Variants in COL4A6 observed in about 807,000 individuals in gnomAD.
COL4A6 encodes the protein collagen type IV alpha 6 chain, also known as collagen alpha-6(IV) chain.
A neutral mutation model predicts 126.7 loss-of-function variants in COL4A6; 59 were observed. That is an observed-to-expected ratio of 0.47 (90% CI 0.38 to 0.58). The LOEUF is 0.58. Among genes scored for constraint, COL4A6 ranks in the 20% least tolerant of loss-of-function variants. The pLI, the probability that COL4A6 is intolerant of heterozygous loss-of-function variation, is 0.00. For synonymous variants in COL4A6, 547 were observed against 496.6 expected (o/e 1.10, Z -1.35); for missense variants, 1,285 against 1,337.3 (o/e 0.96, Z 0.61).
rs747930711 is a variant in COL4A6, at chrX:108,355,864, C to G, written c.64-45036G>C. 5.4e-5 allele frequency among the ~76,000 whole-genome samples: 6 copies of G among 111,748 alleles called. No individual in the cohort carries two copies. The East Asian group carries it at 1.4e-3, about 26-fold the overall frequency. On this transcript the variant is annotated intron_variant, in intron 2 of 44. Transcript: ENST00000334504. ...TGATAAGCACTTTTCAGATGCTTTACGTAGTGAAGTTATTTAATTCTCATT... is the reference window on the plus strand; with the variant it reads ...TGATAAGCACTTTTCAGATGCTTTAGGTAGTGAAGTTATTTAATTCTCATT...
intron 3 of COL4A6, among the ~76,000 whole-genome samples, chrX:108,275,212 A>C (rs2147778467): frequency 9.0e-6 from 1 of 111,727 alleles, no homozygotes; most frequent in African/African-American, 3.3e-5. Flanking sequence ...AGGGAAGAAA[A>C]GGTAAATAAG....
chrX:108,165,265 C>T, intron 38 of COL4A6, 105 bp downstream of exon 38: 2 of 788,449 alleles, frequency 2.5e-6, no homozygotes, highest in South Asian at 4.2e-5. Flanking sequence ...CCAAACACGC[C>T]CACATATGTC....
intron 2 of COL4A6, among the ~76,000 whole-genome samples, chrX:108,328,073 G>A (rs890805559): frequency 2.7e-5 from 3 of 111,768 alleles, no homozygotes; most frequent in African/African-American, 9.8e-5. Context: ...GTGGAATCAA[G>A]CATTCATTCT....
intron 2 of COL4A6, among the ~76,000 whole-genome samples, chrX:108,429,158 T>C (rs1355006583): frequency 1.8e-5 from 2 of 112,290 alleles, no homozygotes; most frequent in African/African-American, 6.5e-5. Flanking sequence ...TCAAAAGTGC[T>C]ATGCTGATTA....
chrX:108,363,984 A>G (rs1364449925), intron 2 of COL4A6, among the ~76,000 whole-genome samples: 2 of 109,899 alleles, frequency 1.8e-5, no homozygotes, highest in Admixed American at 9.7e-5. Context: ...CGATTCTCAC[A>G]CCTCAGCCTT....
chrX:108,337,935 G>C (rs1446990029), intron 2 of COL4A6, among the ~76,000 whole-genome samples: 1 of 111,518 alleles, frequency 9.0e-6, no homozygotes, highest in Non-Finnish European at 1.9e-5. Flanking sequence ...TATAGATAAT[G>C]AGGCTTAATA....
intron 2 of COL4A6, among the ~76,000 whole-genome samples, chrX:108,436,370 G>T (rs989228848): frequency 8.9e-6 from 1 of 112,395 alleles, no homozygotes. Flanking sequence ...GCATTAAAGT[G>T]GTTTTTAAAG....
chrX:108,236,163 G>A (rs776818694), intron 3 of COL4A6, among the ~76,000 whole-genome samples: 14 of 111,990 alleles, frequency 1.3e-4, no homozygotes, highest in Admixed American at 9.5e-4. Flanking sequence ...TTAAAGCTGA[G>A]TGGAAAACAA....
At chrX:108,227,818 C>G (rs1461489921) in intron 3 of COL4A6, among the ~76,000 whole-genome samples, 1 of 111,819 alleles carries the variant, frequency 8.9e-6, no homozygotes, top group African/African-American at 3.3e-5. Flanking sequence ...GTTCCTTGTT[C>G]CTAACATGGA....
intron 2 of COL4A6, among the ~76,000 whole-genome samples, chrX:108,314,386 C>T (rs181607826): frequency 1.6e-4 from 18 of 111,896 alleles, no homozygotes; most frequent in African/African-American, 2.3e-4. Flanking sequence ...CCTACTGTTC[C>T]GTACCTCTCA....
At chrX:108,396,816 T>C (rs1237347025) in intron 2 of COL4A6, among the ~76,000 whole-genome samples, 4 of 111,719 alleles carry the variant, frequency 3.6e-5, no homozygotes, top group African/African-American at 1.3e-4. Context: ...TCCCTTTCTC[T>C]GCCTGTTCGA....
chrX:108,265,920 TA>T (rs200911420), intron 3 of COL4A6, among the ~76,000 whole-genome samples: 76 of 108,518 alleles, frequency 7.0e-4, no homozygotes, highest in Non-Finnish European at 1.2e-3. Context: ...ATGACATACA[TA>T]AAAAAAAACA....
chrX:108,424,179 G>A (rs1480890124), intron 2 of COL4A6, among the ~76,000 whole-genome samples: 1 of 111,896 alleles, frequency 8.9e-6, no homozygotes, highest in Admixed American at 9.5e-5. Context: ...TTACCAATGA[G>A]TGTGGCATGG....
intron 3 of COL4A6, among the ~76,000 whole-genome samples, chrX:108,226,298 C>G (rs187987501): frequency 1.2e-4 from 13 of 112,188 alleles, no homozygotes; most frequent in Non-Finnish European, 2.4e-4. Flanking sequence ...GGATTGGGCA[C>G]CAATGCTCCT....
At chrX:108,329,473 C>A (rs868096548) in intron 2 of COL4A6, among the ~76,000 whole-genome samples, 3 of 111,671 alleles carry the variant, frequency 2.7e-5, no homozygotes, top group African/African-American at 9.7e-5. Context: ...ATTTATGAAA[C>A]AATGGGGAAA....
chrX:108,344,886 A>T (rs1453776511), intron 2 of COL4A6, among the ~76,000 whole-genome samples: 1 of 112,079 alleles, frequency 8.9e-6, no homozygotes, highest in East Asian at 2.8e-4. Context: ...TATGACTTAT[A>T]TTTCCATTTT....
intron 2 of COL4A6, among the ~76,000 whole-genome samples, chrX:108,338,757 C>T (rs1025998053): frequency 4.5e-5 from 5 of 112,020 alleles, no homozygotes; most frequent in Admixed American, 1.9e-4. Flanking sequence ...TTTGTTTGGT[C>T]TGGCCCTAGA....
chrX:108,415,930 C>G (rs186296635), intron 2 of COL4A6, among the ~76,000 whole-genome samples: 1 of 112,111 alleles, frequency 8.9e-6, no homozygotes, highest in East Asian at 2.8e-4. Context: ...TAGCTGGTGA[C>G]GCTGAATGAA....
intron 35 of COL4A6, 118 bp downstream of exon 35, chrX:108,170,491 G>T: frequency 1.7e-6 from 1 of 594,478 alleles, no homozygotes; most frequent in Non-Finnish European, 2.8e-6. Context: ...GATTCCTCAT[G>T]TCCAATGACT....
Sources: allele counts gnomAD v4.1 joint callset (sites outside exome capture counted in the v4.1 genomes callset), GRCh38; gene constraint gnomAD v4.1.1; transcripts MANE v1.5; gene names NCBI Gene and HGNC (gene_info 2026-07-23, HGNC 2026-07-21).